The following SAMMSON variants were observed in gnomAD, a reference collection of about 807,000 sequenced individuals.
SAMMSON encodes the protein long intergenic non-protein coding RNA 1212.
intron 7 of SAMMSON, among the ~76,000 whole-genome samples, chr3:70,308,066 T>C (rs1702419912): frequency 6.6e-6 from 1 of 152,152 alleles, no homozygotes; most frequent in Non-Finnish European, 1.5e-5. Context: ...TTTTATTTTA[T>C]TTTGAATCAG....
chr3:70,075,646 TA>T (rs1226473444), intron 4 of SAMMSON, among the ~76,000 whole-genome samples: 1 of 152,156 alleles, frequency 6.6e-6, no homozygotes, highest in Non-Finnish European at 1.5e-5. Context: ...CTGCTTATAT[TA>T]AAATGACATG....
At chr3:70,231,886 T>G (rs529800855) in intron 4 of SAMMSON, among the ~76,000 whole-genome samples, 1 of 152,228 alleles carries the variant, frequency 6.6e-6, no homozygotes. Flanking sequence ...TGTGTGTGTG[T>G]GCATGTGTGT....
At chr3:70,313,813 T>C (rs369258990) in intron 7 of SAMMSON, among the ~76,000 whole-genome samples, 3 of 152,112 alleles carry the variant, frequency 2.0e-5, no homozygotes, top group East Asian at 3.9e-4. Flanking sequence ...GTTTTGTTTC[T>C]CCCATTATTA....
intron 4 of SAMMSON, among the ~76,000 whole-genome samples, chr3:70,099,789 T>G (rs2067335628): frequency 6.6e-6 from 1 of 152,184 alleles, no homozygotes; most frequent in Non-Finnish European, 1.5e-5. Flanking sequence ...AGTTACCTGC[T>G]CTTTGGCTGG....
At chr3:70,365,817 T>G (rs1702915596) in intron 9 of SAMMSON, among the ~76,000 whole-genome samples, 1 of 151,792 alleles carries the variant, frequency 6.6e-6, no homozygotes, top group South Asian at 2.1e-4. Context: ...TTCAATTTTT[T>G]GGGAGATTTC....
At chr3:70,042,157 GA>G in intron 3 of SAMMSON, among the ~76,000 whole-genome samples, 1 of 152,164 alleles carries the variant, frequency 6.6e-6, no homozygotes, top group African/African-American at 2.4e-5. Flanking sequence ...GAGTTCAAAT[GA>G]GCAGTTTAGG....
chr3:70,105,402 T>C (rs184525578), intron 4 of SAMMSON, among the ~76,000 whole-genome samples: 1 of 152,238 alleles, frequency 6.6e-6, no homozygotes, highest in Non-Finnish European at 1.5e-5. Context: ...ACTTTTACAG[T>C]GAGTACATAG....
At chr3:70,376,144 T>C (rs986009980) in intron 9 of SAMMSON, among the ~76,000 whole-genome samples, 1 of 152,196 alleles carries the variant, frequency 6.6e-6, no homozygotes, top group South Asian at 2.1e-4. Context: ...TATTGTAAGA[T>C]GAGACAATAA....
At chr3:70,323,519 C>T (rs1051260924) in intron 7 of SAMMSON, among the ~76,000 whole-genome samples, 31 of 152,150 alleles carry the variant, frequency 2.0e-4, no homozygotes, top group Admixed American at 8.5e-4. Flanking sequence ...ATGCAGGCTG[C>T]GCACTGCAGA....
chr3:70,238,251 A>G (rs1701631987), intron 4 of SAMMSON, among the ~76,000 whole-genome samples: 2 of 151,768 alleles, frequency 1.3e-5, no homozygotes, highest in African/African-American at 4.8e-5. Flanking sequence ...CTCTCCTTCT[A>G]TGTAAGGTGT....
chr3:70,025,626 A>G (rs2067034486), intron 3 of SAMMSON, among the ~76,000 whole-genome samples: 1 of 152,202 alleles, frequency 6.6e-6, no homozygotes, highest in Non-Finnish European at 1.5e-5. Flanking sequence ...AAACAGAAAG[A>G]TGAAGACCCT....
chr3:70,199,919 G>A (rs893813012), intron 4 of SAMMSON, among the ~76,000 whole-genome samples: 2 of 152,064 alleles, frequency 1.3e-5, no homozygotes, highest in Admixed American at 1.3e-4. Context: ...ACTTACCAAG[G>A]CCAAACTGCA....
At chr3:70,193,745 A>G (rs1469816418) in intron 4 of SAMMSON, among the ~76,000 whole-genome samples, 1 of 152,254 alleles carries the variant, frequency 6.6e-6, no homozygotes, top group Non-Finnish European at 1.5e-5. Context: ...TCTTGCAGTC[A>G]AACAACTTTA....
At chr3:70,393,889 A>T (rs1201818765), downstream of SAMMSON, among the ~76,000 whole-genome samples, 1 of 152,168 alleles carries the variant, frequency 6.6e-6, no homozygotes, top group Non-Finnish European at 1.5e-5. Flanking sequence ...AGGATCATTT[A>T]TGCATTTTAC....
At chr3:70,422,853 G>C (rs1048604840) in intron 2 of SAMMSON, among the ~76,000 whole-genome samples, 1 of 151,666 alleles carries the variant, frequency 6.6e-6, no homozygotes, top group Non-Finnish European at 1.5e-5. Flanking sequence ...TATGCACCTG[G>C]AGTCAAAATA....
chr3:70,265,411 A>G (rs984336964), intron 6 of SAMMSON, among the ~76,000 whole-genome samples: 8 of 152,228 alleles, frequency 5.3e-5, no homozygotes, highest in African/African-American at 1.2e-4. Context: ...GATTGCAGAG[A>G]AGGCAGGAAA....
chr3:70,117,055 C>T (rs1256397685), intron 4 of SAMMSON, among the ~76,000 whole-genome samples: 3 of 152,102 alleles, frequency 2.0e-5, no homozygotes, highest in Non-Finnish European at 4.4e-5. Flanking sequence ...TCTTGTTTCC[C>T]ACAAAGATGC....
intron 2 of SAMMSON, among the ~76,000 whole-genome samples, chr3:70,403,932 G>T (rs1016476228): frequency 2.0e-5 from 3 of 151,992 alleles, no homozygotes; most frequent in Non-Finnish European, 1.5e-5. Flanking sequence ...TTTACTTTAA[G>T]GATCTAAATA....
intron 4 of SAMMSON, among the ~76,000 whole-genome samples, chr3:70,108,591 G>A (rs1396880736): frequency 6.6e-6 from 1 of 151,752 alleles, no homozygotes; most frequent in Non-Finnish European, 1.5e-5. Context: ...AATGTAATGA[G>A]AGTTGGAGAT....
Sources: gnomAD v4.1 joint callset for allele counts (sites outside exome capture counted in the v4.1 genomes callset) on GRCh38, gnomAD v4.1.1 for gene constraint, MANE v1.5 for transcripts, NCBI Gene and HGNC (gene_info 2026-07-23, HGNC 2026-07-21) for gene names.